CCSER1: variants seen among roughly 807,000 people sequenced by gnomAD.
CCSER1 encodes the protein serine-rich coiled-coil domain-containing protein 1.
A neutral mutation model predicts 82.0 loss-of-function variants in CCSER1; 41 were observed. That is an observed-to-expected ratio of 0.50 (90% CI 0.39 to 0.65). CCSER1 has a LOEUF of 0.65. Ranked by LOEUF, CCSER1 falls within the 30% of genes least tolerant of loss-of-function variation. The pLI, the probability that CCSER1 is intolerant of heterozygous loss-of-function variation, is 0.00. For synonymous variants in CCSER1, 414 were observed against 383.9 expected (o/e 1.08, Z -0.92); for missense variants, 1,119 against 1,064.2 (o/e 1.05, Z -0.72).
chr4:91,111,682 C>T (rs1726105769), intron 10 of CCSER1, among the ~76,000 whole-genome samples: 1 of 151,534 alleles, frequency 6.6e-6, no homozygotes, highest in Non-Finnish European at 1.5e-5. Context: ...CTTTTCCATC[C>T]TGAAAACTCT....
intron 1 of CCSER1, among the ~76,000 whole-genome samples, chr4:90,283,997 G>T (rs150225078): frequency 6.6e-6 from 1 of 151,864 alleles, no homozygotes; most frequent in Non-Finnish European, 1.5e-5. Flanking sequence ...GTTATTTCCT[G>T]TCTTTAGGAT....
At chr4:91,272,726 A>G (rs1742131189) in intron 10 of CCSER1, among the ~76,000 whole-genome samples, 1 of 152,194 alleles carries the variant, frequency 6.6e-6, no homozygotes, top group Admixed American at 6.5e-5. Context: ...TTATAGTTTC[A>G]GGTCTTAGAT....
chr4:90,363,376 A>G (rs1406960033), intron 3 of CCSER1, among the ~76,000 whole-genome samples: 1 of 152,144 alleles, frequency 6.6e-6, no homozygotes, highest in Admixed American at 6.5e-5. Flanking sequence ...CTAATCCTGA[A>G]GAGAAAATCA....
chr4:91,163,501 T>A (rs1560481906), intron 10 of CCSER1, among the ~76,000 whole-genome samples: 2 of 152,238 alleles, frequency 1.3e-5, no homozygotes, highest in Admixed American at 6.5e-5. Flanking sequence ...ACCTTCTGTC[T>A]TGTTGATCTG....
intron 10 of CCSER1, among the ~76,000 whole-genome samples, chr4:91,570,268 G>A (rs1456290241): frequency 2.6e-5 from 4 of 151,990 alleles, no homozygotes; most frequent in African/African-American, 9.7e-5. Context: ...GGTACACAGT[G>A]GAAGCTGTCA....
intron 5 of CCSER1, among the ~76,000 whole-genome samples, chr4:90,595,096 C>T (rs1248169015): frequency 6.6e-6 from 1 of 151,962 alleles, no homozygotes; most frequent in Non-Finnish European, 1.5e-5. Flanking sequence ...ATACATTAAA[C>T]ATCTATTTTA....
intron 1 of CCSER1, among the ~76,000 whole-genome samples, chr4:90,275,543 TAC>T (rs1727387888): frequency 6.6e-6 from 1 of 152,138 alleles, no homozygotes; most frequent in South Asian, 2.1e-4. Flanking sequence ...CTGTGTAATT[TAC>T]AGTGTCCAGT....
intron 9 of CCSER1, among the ~76,000 whole-genome samples, chr4:91,013,172 C>G (rs2150506607): frequency 7.4e-6 from 1 of 134,588 alleles, no homozygotes; most frequent in East Asian, 2.4e-4. Context: ...ATGTCACACT[C>G]TCTTTTCCAG....
chr4:90,305,115 AC>A (rs1734014353), intron 1 of CCSER1, among the ~76,000 whole-genome samples: 1 of 151,970 alleles, frequency 6.6e-6, no homozygotes, highest in Non-Finnish European at 1.5e-5. Context: ...ACGGGGTTTC[AC>A]CGTGTTAGCC....
chr4:91,297,909 T>C (rs1430473014), intron 10 of CCSER1, among the ~76,000 whole-genome samples: 1 of 152,042 alleles, frequency 6.6e-6, no homozygotes, highest in Admixed American at 6.6e-5. Flanking sequence ...GAGCCTGACC[T>C]TGAAAGACGT....
intron 1 of CCSER1, among the ~76,000 whole-genome samples, chr4:90,306,488 T>G (rs1734298850): frequency 1.3e-5 from 2 of 152,168 alleles, no homozygotes; most frequent in South Asian, 2.1e-4. Flanking sequence ...TAAAATCAAT[T>G]TTTAAAATTA....
intron 9 of CCSER1, among the ~76,000 whole-genome samples, chr4:90,951,706 C>T (rs192194360): frequency 3.7e-4 from 56 of 152,108 alleles, no homozygotes; most frequent in African/African-American, 1.2e-3. Flanking sequence ...AATTTGATGT[C>T]CAGCTTCCTA....
At chr4:90,799,813 C>G (rs1445847782) in intron 7 of CCSER1, among the ~76,000 whole-genome samples, 2 of 152,212 alleles carry the variant, frequency 1.3e-5, no homozygotes, top group Non-Finnish European at 2.9e-5. Flanking sequence ...GTCCTTAACA[C>G]TTCTTTAAGC....
intron 5 of CCSER1, among the ~76,000 whole-genome samples, chr4:90,482,946 T>A (rs1237210347): frequency 6.6e-6 from 1 of 152,152 alleles, no homozygotes; most frequent in Non-Finnish European, 1.5e-5. Context: ...TCTGTTTCAT[T>A]GATCTGTCTG....
At chr4:91,027,416 C>G (rs1197907854) in intron 9 of CCSER1, among the ~76,000 whole-genome samples, 2 of 151,736 alleles carry the variant, frequency 1.3e-5, no homozygotes, top group Admixed American at 1.3e-4. Flanking sequence ...TTCAAGATAT[C>G]ATAACAGGTC....
At chr4:90,514,074 A>T (rs1771919123) in intron 5 of CCSER1, among the ~76,000 whole-genome samples, 1 of 152,202 alleles carries the variant, frequency 6.6e-6, no homozygotes, top group African/African-American at 2.4e-5. Flanking sequence ...AAGAACATTT[A>T]CAAAGGAGAA....
intron 10 of CCSER1, among the ~76,000 whole-genome samples, chr4:91,415,532 G>T (rs1753307526): frequency 6.6e-6 from 1 of 152,034 alleles, no homozygotes; most frequent in South Asian, 2.1e-4. Flanking sequence ...CATTCTGTAT[G>T]ATATGGCTAT....
intron 10 of CCSER1, among the ~76,000 whole-genome samples, chr4:91,365,666 T>C (rs1281697800): frequency 6.6e-6 from 1 of 152,218 alleles, no homozygotes; most frequent in East Asian, 1.9e-4. Flanking sequence ...ATTTTTTCCT[T>C]ATTTAATTCA....
intron 10 of CCSER1, among the ~76,000 whole-genome samples, chr4:91,298,209 A>G (rs549163399): frequency 6.6e-6 from 1 of 152,146 alleles, no homozygotes; most frequent in South Asian, 2.1e-4. Context: ...CAAGTATTAG[A>G]TACTACTTAA....
Sources: gnomAD v4.1 joint callset for allele counts (sites outside exome capture counted in the v4.1 genomes callset) on GRCh38, gnomAD v4.1.1 for gene constraint, MANE v1.5 for transcripts, NCBI Gene and HGNC (gene_info 2026-07-23, HGNC 2026-07-21) for gene names.